TBC1D22A: variants seen among roughly 807,000 people sequenced by gnomAD.
The protein encoded by TBC1D22A is TBC1 domain family member 22A.
A neutral mutation model predicts 60.2 loss-of-function variants in TBC1D22A; 38 were observed. That is an observed-to-expected ratio of 0.63 (90% CI 0.49 to 0.83). The LOEUF is 0.83. Ranked by LOEUF, TBC1D22A falls within the 40% of genes least tolerant of loss-of-function variation. The pLI, the probability that TBC1D22A is intolerant of heterozygous loss-of-function variation, is 0.00. For synonymous variants in TBC1D22A, 302 were observed against 281.7 expected, an observed-to-expected ratio of 1.07 and a Z score of -0.72; for missense variants, 628 against 701.0, an observed-to-expected ratio of 0.90 and a Z score of 1.18.
chr22:47,115,337 C>T (rs1245762962), intron 12 of TBC1D22A, among the ~76,000 whole-genome samples: 1 of 152,106 alleles, frequency 6.6e-6, no homozygotes, highest in Non-Finnish European at 1.5e-5. Flanking sequence ...CTGGGCGTTT[C>T]CTAATGCCCC....
intron 1 of TBC1D22A, among the ~76,000 whole-genome samples, chr22:46,790,074 A>G (rs1315538315): frequency 1.3e-5 from 2 of 152,264 alleles, no homozygotes; most frequent in Admixed American, 1.3e-4. Context: ...GCTTACAGCA[A>G]ACATGGTATC....
At chr22:46,983,261 G>A (rs2074586311) in intron 9 of TBC1D22A, among the ~76,000 whole-genome samples, 1 of 152,214 alleles carries the variant, frequency 6.6e-6, no homozygotes, top group South Asian at 2.1e-4. Context: ...GGGCAGGGGT[G>A]GGTTTCCCTC....
intron 11 of TBC1D22A, among the ~76,000 whole-genome samples, chr22:47,076,065 C>G (rs932629847): frequency 7.2e-5 from 11 of 152,164 alleles, no homozygotes; most frequent in African/African-American, 2.7e-4. Flanking sequence ...GCCAGAATTA[C>G]AAGGACAGAT....
intron 4 of TBC1D22A, among the ~76,000 whole-genome samples, chr22:46,836,660 A>C (rs1462690236): frequency 6.6e-6 from 1 of 152,122 alleles, no homozygotes; most frequent in Non-Finnish European, 1.5e-5. Flanking sequence ...AAATGGATTA[A>C]ATTATCCAAT....
intron 11 of TBC1D22A, among the ~76,000 whole-genome samples, chr22:47,094,695 AGTTTAT>A (rs1386599702): frequency 6.6e-6 from 1 of 152,178 alleles, no homozygotes. Context: ...AGTTCAGTAT[AGTTTAT>A]GTCTTTCTCT....
chr22:46,920,958 A>G (rs2070723013), intron 8 of TBC1D22A, among the ~76,000 whole-genome samples: 1 of 151,852 alleles, frequency 6.6e-6, no homozygotes, highest in East Asian at 1.9e-4. Context: ...TTTAGTAGAG[A>G]CAGGGTTTTA....
intron 8 of TBC1D22A, among the ~76,000 whole-genome samples, chr22:46,938,259 T>C (rs2071776174): frequency 6.6e-6 from 1 of 152,250 alleles, no homozygotes; most frequent in South Asian, 2.1e-4. Flanking sequence ...TGTTTAGATA[T>C]GTTTCGATAC....
At chr22:46,774,328 C>A in intron 1 of TBC1D22A, 1 of 910,214 alleles carries the variant, frequency 1.1e-6, no homozygotes, top group Non-Finnish European at 1.3e-6. Flanking sequence ...GCTGCCTGGG[C>A]TCTTCCCATT....
Position 46,899,941 on chromosome 22 carries a change from C to T in TBC1D22A, c.900+5095C>T, listed in dbSNP as rs558442418. Reference sequence around the variant, plus strand: ...TGCTAATAGGAAGAAGGATTTCTGCCGTAAGCATCCCTCCAACCCCCTGCA... The same window carrying T: ...TGCTAATAGGAAGAAGGATTTCTGCTGTAAGCATCCCTCCAACCCCCTGCA... On this transcript the variant is annotated intron_variant, in intron 7 of 12. Coordinates refer to ENST00000337137, the MANE Select transcript of TBC1D22A (RefSeq NM_014346.5). 4.6e-5 allele frequency among the ~76,000 whole-genome samples: 7 copies of T among 152,120 alleles called. No individual in the cohort carries two copies. The South Asian group carries it at 6.2e-4, about 14-fold the overall frequency.
intron 4 of TBC1D22A, among the ~76,000 whole-genome samples, chr22:46,828,227 T>C (rs2086154645): frequency 6.6e-6 from 1 of 152,200 alleles, no homozygotes; most frequent in Non-Finnish European, 1.5e-5. Flanking sequence ...TCAGCATGAT[T>C]TCTCACCCAC....
intron 4 of TBC1D22A, among the ~76,000 whole-genome samples, chr22:46,826,945 G>GT (rs985060370): frequency 0.11 from 15,856 of 143,952 alleles, 906 homozygotes; most frequent in Non-Finnish European, 0.12. Flanking sequence ...TTTAGTTTCC[G>GT]TTTTTTTTTT....
intron 8 of TBC1D22A, among the ~76,000 whole-genome samples, chr22:46,932,181 G>A (rs1036098303): frequency 6.6e-6 from 1 of 152,182 alleles, no homozygotes. Flanking sequence ...CAGACACTGC[G>A]CTAAGCAGGT....
At position 47,168,255 on chromosome 22, in the gene TBC1D22A, A is replaced by G. The variant is rs369217400; in HGVS notation, c.1426-5243A>G. Among the ~76,000 whole-genome samples, 13 of 135,318 alleles carry G rather than the reference A, an allele frequency of 9.6e-5. No individual in the cohort carries two copies. The East Asian group carries it at 2.0e-3, about 21-fold the overall frequency. 88.8% of individuals were successfully genotyped at this position (135,318 alleles called of 152,430 possible). On this transcript the variant is annotated intron_variant, in intron 12 of 12. Coordinates refer to ENST00000337137, the MANE Select transcript of TBC1D22A (RefSeq NM_014346.5). ...AAGTGCTGTGGGCTCGGTTTTGGGG[A>G]TATAGGGACACACAGACCTGTTGAA... is the stretch of plus-strand genomic sequence containing the variant.
At chr22:47,114,250 G>A (rs999804221) in intron 12 of TBC1D22A, among the ~76,000 whole-genome samples, 1 of 151,854 alleles carries the variant, frequency 6.6e-6, no homozygotes, top group Non-Finnish European at 1.5e-5. Context: ...AGGGTGTGGG[G>A]TGTGGGGTGT....
chr22:46,845,623 A>G lies in TBC1D22A; in HGVS notation c.638-33030A>G, dbSNP rs528680380. 5.3e-4 allele frequency among the ~76,000 whole-genome samples: 80 copies of G among 152,342 alleles called. No individual in the cohort carries two copies. The South Asian group carries it at 0.01, about 19-fold the overall frequency. ...ATGGGAACATAAAGCTTATAAATCT[A>G]GTTTATCATATCTATCATTTAATTG... On this transcript the variant is annotated intron_variant, in intron 4 of 12. Transcript: ENST00000337137.
chr22:46,799,745 T>C (rs1327004981), intron 4 of TBC1D22A, among the ~76,000 whole-genome samples: 1 of 152,236 alleles, frequency 6.6e-6, no homozygotes, highest in Non-Finnish European at 1.5e-5. Flanking sequence ...GGTTTGTGCT[T>C]GTCTGATGTT....
intron 11 of TBC1D22A, among the ~76,000 whole-genome samples, chr22:47,066,704 C>G (rs959315882): frequency 6.6e-6 from 1 of 152,224 alleles, no homozygotes; most frequent in African/African-American, 2.4e-5. Context: ...GCCCAGGCAG[C>G]CAGCCTCTTT....
At chr22:46,838,526 T>C (rs1333378095) in intron 4 of TBC1D22A, among the ~76,000 whole-genome samples, 1 of 151,860 alleles carries the variant, frequency 6.6e-6, no homozygotes, top group East Asian at 1.9e-4. Context: ...TTTCCAAAAA[T>C]TGAAGTGGAG....
chr22:46,997,621 C>CT lies in TBC1D22A; in HGVS notation c.1126-7dup, dbSNP rs762045690. The CT allele has an allele frequency of 1.6e-5, 26 of 1,610,102 alleles. No homozygotes were observed. The East Asian group carries it at 5.4e-4, about 33-fold the overall frequency. ...TTATATGCATATGATTCACATTATT[C>CT]TTTTTTCCTTAGGACAACTACACCT... On this transcript the variant is annotated splice_polypyrimidine_tract_variant and intron_variant, in intron 9 of 12. Transcript: ENST00000337137.
Sources: gnomAD v4.1 joint callset for allele counts (sites outside exome capture counted in the v4.1 genomes callset) on GRCh38, gnomAD v4.1.1 for gene constraint, MANE v1.5 for transcripts, NCBI Gene and HGNC (gene_info 2026-07-23, HGNC 2026-07-21) for gene names.